Variants in EGFR observed in about 807,000 individuals in gnomAD.
The protein encoded by EGFR is avian erythroblastic leukemia viral (v-erb-b) oncogene homolog.
In EGFR, 58 loss-of-function variants were observed where a neutral mutation model predicts 143.0. The ratio of observed to expected loss-of-function variants is 0.41; its 90% CI spans 0.33 to 0.50. EGFR has a LOEUF of 0.50. Ranked by LOEUF, EGFR falls within the 20% of genes least tolerant of loss-of-function variation. EGFR has a pLI of 0.39. For missense variants in EGFR, 1,307 were observed against 1,579.0 expected (o/e 0.83, Z 2.92); for synonymous variants, 613 against 594.4 (o/e 1.03, Z -0.45).
chr7:55,178,366 C>T (rs960443086), intron 19 of EGFR, among the ~76,000 whole-genome samples: 1 of 152,202 alleles, frequency 6.6e-6, no homozygotes, highest in Non-Finnish European at 1.5e-5. Flanking sequence ...GAACGCAAAA[C>T]AGATTTCTAG....
intron 1 of EGFR, among the ~76,000 whole-genome samples, chr7:55,037,934 C>A (rs368512528): frequency 1.3e-5 from 2 of 152,234 alleles, no homozygotes; most frequent in East Asian, 1.9e-4. Flanking sequence ...TGAGGCACGC[C>A]GCGATTCCAC....
At chr7:55,103,687 T>C (rs1271317917) in intron 1 of EGFR, among the ~76,000 whole-genome samples, 4 of 152,192 alleles carry the variant, frequency 2.6e-5, no homozygotes, top group African/African-American at 4.8e-5. Context: ...ATGGTCCACA[T>C]TGGGCCACAT....
Position 55,198,723 on chromosome 7 carries a change from C to T in EGFR, c.2708C>T (p.Thr903Ile), listed in dbSNP as rs1375731369. The change falls in exon 23 of 28, where the codon ACT becomes ATT. Residue 903 changes from threonine to isoleucine, a missense_variant. This residue lies in a region of EGFR where 348 missense variants were observed against 451.5 expected (regional missense o/e 0.77). Transcript: ENST00000275493. ...TCTTGCTTCATCCTCTCAGGGGTGA[C>T]TGTTTGGGAGTTGATGACCTTTGGA... Reference protein sequence around the residue: ...HQSDVWSYGVTVWELMTFGSK... With the variant: ...HQSDVWSYGVIVWELMTFGSK... 1.2e-6 allele frequency: 2 copies of T among 1,614,178 alleles called. No homozygotes were observed. The highest frequency in any genetic ancestry group is 2.2e-5 in the East Asian group (1 of 44,882).
At chr7:55,195,366 G>GA (rs1014034966) in intron 22 of EGFR, among the ~76,000 whole-genome samples, 1 of 152,148 alleles carries the variant, frequency 6.6e-6, no homozygotes, top group Admixed American at 6.5e-5. Context: ...GGGGTTGTCT[G>GA]AAAAAACACT....
At chr7:55,149,546 C>A (rs1794928726) in intron 4 of EGFR, among the ~76,000 whole-genome samples, 1 of 152,148 alleles carries the variant, frequency 6.6e-6, no homozygotes, top group Non-Finnish European at 1.5e-5. Flanking sequence ...TGTCGAGAAA[C>A]AGAAATTCTC....
Position 55,160,300 on chromosome 7 carries a change from A to C in EGFR, c.1460A>C (p.Lys487Thr). 6.2e-7 allele frequency: 1 copy of C among 1,613,908 alleles called. No homozygotes were observed. Among genetic ancestry groups the C allele is most frequent in the Non-Finnish European group, 8.5e-7 (1 of 1,179,988 alleles). ...AAACTGTTTGGGACCTCCGGTCAGA[A>C]AACCAAAATTATAAGCAACAGAGGT... ...WKKLFGTSGQ[K>T]TKIISNRGEN... The change falls in exon 12 of 28, where the codon AAA (lysine) becomes ACA (threonine). Residue 487 changes from lysine (K) to threonine (T), a missense_variant. Lys to Thr is a moderately conservative substitution (Grantham distance 78). Coordinates refer to ENST00000275493, the MANE Select transcript of EGFR (RefSeq NM_005228.5).
intron 5 of EGFR, among the ~76,000 whole-genome samples, chr7:55,151,601 C>T (rs899636972): frequency 1.2e-4 from 18 of 152,286 alleles, no homozygotes; most frequent in Admixed American, 3.9e-4. Flanking sequence ...AGGGGCTGGG[C>T]GCGGTGGCTC....
Position 55,151,201 on chromosome 7 carries a change from T to C in EGFR, c.560-93T>C, listed in dbSNP as rs1785133314. On this transcript the variant is annotated intron_variant, in intron 4 of 27. Coordinates refer to ENST00000275493, the MANE Select transcript of EGFR (RefSeq NM_005228.5). ...GAATAAGTTGAAAAGATTGTCTTCA[T>C]TTATTGAATGTGCTTAACTCAGGCC... 20 of 1,236,390 alleles carry C rather than the reference T, an allele frequency of 1.6e-5. 1 individual carries two copies. Among genetic ancestry groups the C allele is most frequent in the East Asian group, 7.0e-5 (3 of 43,052 alleles). The allele number at this position is 1,236,390 out of a possible 1,614,324, so 76.6% of individuals were successfully genotyped here. A position where few individuals can be genotyped will look rare whatever the true frequency, so the allele number is the denominator to read the frequency against.
At chr7:55,159,235 G>A (rs1000268809) in intron 11 of EGFR, among the ~76,000 whole-genome samples, 42 of 152,226 alleles carry the variant, frequency 2.8e-4, no homozygotes, top group African/African-American at 9.6e-4. Context: ...CACACCCATC[G>A]TGGTCCGGCA....
In EGFR at chr7:55,208,036, A is replaced by G. The variant is rs1427695554; in HGVS notation, c.*2419A>G. The G allele has an allele frequency of 6.6e-6, 1 of 152,178 alleles. No homozygotes were observed. Among genetic ancestry groups the G allele is most frequent in the Non-Finnish European group, 1.5e-5 (1 of 68,026 alleles). 9.4% of individuals were successfully genotyped at this position (152,178 alleles called of 1,614,324 possible). ...TCACATTGTAGCATTAAATTCTAGT[A>G]TTTTTGTAGTTTGAAACAGTAACTT... On this transcript the variant is annotated 3_prime_UTR_variant, in exon 28 of 28. Transcript: ENST00000275493.
chr7:55,076,063 A>G (rs1292313663), intron 1 of EGFR, among the ~76,000 whole-genome samples: 1 of 152,202 alleles, frequency 6.6e-6, no homozygotes, highest in Non-Finnish European at 1.5e-5. Context: ...TTTGTTATAA[A>G]TGAGACATTT....
At position 55,207,410 on chromosome 7, in the gene EGFR, A is replaced by G; in HGVS notation, c.*1793A>G. On this transcript the variant is annotated 3_prime_UTR_variant, in exon 28 of 28. Coordinates refer to ENST00000275493, the MANE Select transcript of EGFR (RefSeq NM_005228.5). ...TATGAAAGATACAAAGATAAATAAA[A>G]CATAGTCCCTGATTCTAAGAAATTC... 4.9e-6 allele frequency: 1 copy of G among 205,320 alleles called. No homozygotes were observed. The highest frequency in any genetic ancestry group is 1.0e-5 in the Non-Finnish European group (1 of 100,472). The allele number at this position is 205,320 out of a possible 1,614,324, so 12.7% of individuals were successfully genotyped here.
intron 1 of EGFR, among the ~76,000 whole-genome samples, chr7:55,042,508 T>C (rs1191188760): frequency 6.6e-6 from 1 of 152,150 alleles, no homozygotes; most frequent in Non-Finnish European, 1.5e-5. Context: ...TTTTTTACAC[T>C]TGGTACATGG....
intron 1 of EGFR, among the ~76,000 whole-genome samples, chr7:55,072,815 G>A (rs1353529574): frequency 6.6e-6 from 1 of 152,186 alleles, no homozygotes; most frequent in African/African-American, 2.4e-5. Context: ...GATGTCTGGA[G>A]TCAGTGAACC....
chr7:55,202,482 T>G, intron 26 of EGFR, 35 bp from the exon 27 acceptor site: 1 of 1,554,490 alleles, frequency 6.4e-7, no homozygotes, highest in Non-Finnish European at 8.8e-7. Flanking sequence ...GGGGCAGCCC[T>G]GACCGGAGTA....
intron 1 of EGFR, among the ~76,000 whole-genome samples, chr7:55,067,499 C>T (rs1789570913): frequency 6.6e-6 from 1 of 151,456 alleles, no homozygotes; most frequent in Non-Finnish European, 1.5e-5. Context: ...GCCTCTTTTT[C>T]ACTTTAAAAA....
In EGFR at chr7:55,201,250, TGAA is replaced by T. The variant is rs760292181; in HGVS notation, c.3015_3017del (p.Glu1005del). 1.2e-6 allele frequency: 2 copies of T among 1,614,166 alleles called. No individual in the cohort carries two copies. Among genetic ancestry groups the T allele is most frequent in the Admixed American group, 3.3e-5 (2 of 60,030 alleles). Reference sequence around the variant, plus strand: ...CCAACTTCTACCGTGCCCTGATGGATGAAGAAGACATGGACGACGTGGTGGATG... The same window carrying T: ...CCAACTTCTACCGTGCCCTGATGGATGAAGACATGGACGACGTGGTGGATG... On this transcript the variant is annotated inframe_deletion, in exon 25 of 28. Coordinates refer to ENST00000275493, the MANE Select transcript of EGFR (RefSeq NM_005228.5).
At chr7:55,019,676 C>A (rs1237898380) in intron 1 of EGFR, among the ~76,000 whole-genome samples, 2 of 152,246 alleles carry the variant, frequency 1.3e-5, no homozygotes, top group Admixed American at 1.3e-4. Flanking sequence ...TCACTTTCCC[C>A]GCCCAGCTGC....
At position 55,019,360 on chromosome 7, in the gene EGFR, A is replaced by G. The variant is rs2128853543; in HGVS notation, c.83A>G (p.Lys28Arg). ...LCPASRALEEKKVCQGTSNKL... is the reference protein window; with the variant it reads ...LCPASRALEERKVCQGTSNKL... Reference sequence around the variant, plus strand: ...CCGGCGAGTCGGGCTCTGGAGGAAAAGAAAGGTAAGGGCGTGTCTCGCCGG... The same window carrying G: ...CCGGCGAGTCGGGCTCTGGAGGAAAGGAAAGGTAAGGGCGTGTCTCGCCGG... The change falls in exon 1 of 28, where the codon AAG becomes AGG. Residue 28 changes from lysine (K) to arginine (R), a missense_variant. Physicochemically the swap from Lys to Arg is conservative, Grantham distance 26 (BLOSUM62 2). Around this residue, in one of 7 missense-constraint regions of EGFR, gnomAD observed 65 missense variants for 37.8 expected, o/e 1.72. Coordinates refer to ENST00000275493, the MANE Select transcript of EGFR (RefSeq NM_005228.5). 1 of 1,507,928 alleles carries G rather than the reference A, an allele frequency of 6.6e-7. No individual in the cohort carries two copies. The highest frequency in any genetic ancestry group is 8.9e-7 in the Non-Finnish European group (1 of 1,122,276). The allele number at this position is 1,507,928 out of a possible 1,614,324, so 93.4% of individuals were successfully genotyped here. A position where few individuals can be genotyped will look rare whatever the true frequency, so the allele number is the denominator to read the frequency against.
Sources: allele counts gnomAD v4.1 joint callset (sites outside exome capture counted in the v4.1 genomes callset), GRCh38; gene constraint gnomAD v4.1.1; regional missense constraint gnomAD v4.1.1; transcripts MANE v1.5; gene names NCBI Gene and HGNC (gene_info 2026-07-23, HGNC 2026-07-21).